Variants in PPP2R5D observed in about 807,000 individuals in gnomAD.
The protein encoded by PPP2R5D is protein phosphatase 2 regulatory subunit B'delta.
A neutral mutation model predicts 79.1 loss-of-function variants in PPP2R5D; 12 were observed. The observed-to-expected ratio is 0.15, with a 90% CI of 0.10 to 0.25. The LOEUF (loss-of-function observed/expected upper bound fraction) is 0.25. Ranked by LOEUF, PPP2R5D falls within the 10% of genes least tolerant of loss-of-function variation. The pLI, the probability that PPP2R5D is intolerant of heterozygous loss-of-function variation, is 1.00. For missense variants in PPP2R5D, 419 were observed against 760.2 expected (o/e 0.55, Z 5.28); for synonymous variants, 277 against 286.6 (o/e 0.97, Z 0.34).
At chr6:42,987,434 C>A (rs1056028704) in intron 1 of PPP2R5D, among the ~76,000 whole-genome samples, 1 of 151,930 alleles carries the variant, frequency 6.6e-6, no homozygotes, top group East Asian at 1.9e-4. Flanking sequence ...ATAGTAATAA[C>A]ATTGACCAGC....
rs755936686 is a variant in PPP2R5D, at chr6:43,008,735, C to T, written c.1069C>T (p.Leu357=). The change falls in exon 10 of 16, where the codon CTG becomes TTG. Residue 357 remains leucine, a synonymous_variant. Coordinates refer to ENST00000485511, the MANE Select transcript of PPP2R5D (RefSeq NM_006245.4). The surrounding 1 kb of genome is among the most constrained non-coding windows in gnomAD (Gnocchi z 4.2). ...ACAATTCCTGGAGAAGGAGAGCAGT[C>T]TGACTGAGCCGGTAATTCCCCTTCC... is the stretch of plus-strand genomic sequence containing the variant. The part of the protein sequence containing the change: ...VVQFLEKESS[L]TEPVIVGLLK... 1 of 1,614,104 alleles carries T rather than the reference C, an allele frequency of 6.2e-7. No individual in the cohort carries two copies. Among genetic ancestry groups the T allele is most frequent in the South Asian group, 1.1e-5 (1 of 91,064 alleles).
chr6:42,987,420 A>G (rs1427863738), intron 1 of PPP2R5D, among the ~76,000 whole-genome samples: 1 of 151,920 alleles, frequency 6.6e-6, no homozygotes. Flanking sequence ...TCTTGTTCAT[A>G]ATAATAGTAA....
chr6:43,000,236 C>CTTTTTTTTTT lies in PPP2R5D; in HGVS notation c.106-6217_106-6208dup, dbSNP rs1204045076. 7.8e-4 allele frequency among the ~76,000 whole-genome samples: 83 copies of CTTTTTTTTTT among 106,008 alleles called. 5 individuals are homozygous for CTTTTTTTTTT. Among genetic ancestry groups the CTTTTTTTTTT allele is most frequent in the African/African-American group, 1.8e-3 (36 of 20,292 alleles). The allele number at this position is 106,008 out of a possible 152,430, so 69.5% of individuals were successfully genotyped here. ...GGCGTGAGCCACCACGTCTGGCCAC[C>CTTTTTTTTTT]TTTTTTTTTTTTTTTTTTTGAGATA... On this transcript the variant is annotated intron_variant, in intron 2 of 15. Coordinates refer to ENST00000485511, the MANE Select transcript of PPP2R5D (RefSeq NM_006245.4).
chr6:43,011,475 T>G lies in PPP2R5D; in HGVS notation c.*189T>G. On this transcript the variant is annotated 3_prime_UTR_variant, in exon 16 of 16. Coordinates refer to ENST00000485511, the MANE Select transcript of PPP2R5D (RefSeq NM_006245.4). ...GGTCCCTCTTCTCCCCAAAAGGTGT[T>G]CATGCCTCCCTGTGGCTAGTACAGG... 1.3e-6 allele frequency: 1 copy of G among 740,960 alleles called. No individual in the cohort carries two copies. The highest frequency in any genetic ancestry group is 2.1e-6 in the Non-Finnish European group (1 of 465,420). 45.9% of individuals were successfully genotyped at this position (740,960 alleles called of 1,614,324 possible).
intron 2 of PPP2R5D, among the ~76,000 whole-genome samples, chr6:42,998,241 A>AT (rs1219331359): frequency 1.3e-5 from 2 of 148,546 alleles, no homozygotes; most frequent in Non-Finnish European, 3.0e-5. Context: ...CGCCCAGCTA[A>AT]TTTTTGTATT....
chr6:43,006,796 G>T lies in PPP2R5D; in HGVS notation c.323-115G>T. On this transcript the variant is annotated intron_variant, in intron 3 of 15. Transcript: ENST00000485511. This position sits in a 1 kb window ranked among gnomAD's most constrained non-coding sequence, Gnocchi z 4.7. ...AGGGAGTTCCAGAGAATGCGGGAAG[G>T]GGGTGCCAGGGAGCAGGATGGTGGC... The T allele has an allele frequency of 6.4e-7, 1 of 1,570,782 alleles. No homozygotes were observed. The highest frequency in any genetic ancestry group is 8.7e-7 in the Non-Finnish European group (1 of 1,151,596).
At chr6:42,997,280 C>A (rs940424060) in intron 2 of PPP2R5D, among the ~76,000 whole-genome samples, 1 of 151,926 alleles carries the variant, frequency 6.6e-6, no homozygotes, top group African/African-American at 2.4e-5. Context: ...GCAACCTCCG[C>A]CTCCCGGACT....
rs544148065 is a variant in PPP2R5D, at chr6:43,011,126, A to G, written c.1672-23A>G. 206 of 1,614,056 alleles carry G rather than the reference A, an allele frequency of 1.3e-4. 2 individuals carry two copies. The South Asian group carries it at 2.0e-3, about 15-fold the overall frequency. ...CACTGGGAATTGGTCACCATTCCTC[A>G]CCTTGTCCCTATTCACACACAGATG... On this transcript the variant is annotated intron_variant, in intron 15 of 15. Coordinates refer to ENST00000485511, the MANE Select transcript of PPP2R5D (RefSeq NM_006245.4).
chr6:42,997,054 T>C (rs1771748924), intron 2 of PPP2R5D, among the ~76,000 whole-genome samples: 1 of 152,156 alleles, frequency 6.6e-6, no homozygotes, highest in African/African-American at 2.4e-5. Context: ...TTGCCCAGGC[T>C]GGAGTGTCTT....
chr6:42,993,690 C>T (rs1771436285), intron 2 of PPP2R5D, among the ~76,000 whole-genome samples: 1 of 152,216 alleles, frequency 6.6e-6, no homozygotes, highest in African/African-American at 2.4e-5. Context: ...CAGCATTCTC[C>T]TCCATGTGTC....
In PPP2R5D at chr6:43,007,858, C is replaced by A; in HGVS notation, c.727-77C>A. 6.3e-7 allele frequency: 1 copy of A among 1,574,918 alleles called. No individual in the cohort carries two copies. Among genetic ancestry groups the A allele is most frequent in the Non-Finnish European group, 8.7e-7 (1 of 1,148,350 alleles). ...CAGGGGACCTCTGCATTTCCCCTGGCGGGACCTATGTCACCCTGGCCACTG... is the reference window on the plus strand; with the variant it reads ...CAGGGGACCTCTGCATTTCCCCTGGAGGGACCTATGTCACCCTGGCCACTG... On this transcript the variant is annotated intron_variant, in intron 6 of 15. Transcript: ENST00000485511. This position sits in a 1 kb window ranked among gnomAD's most constrained non-coding sequence, Gnocchi z 4.5.
intron 1 of PPP2R5D, 127 bp downstream of exon 1, chr6:42,984,831 C>A: frequency 7.1e-7 from 1 of 1,405,716 alleles, no homozygotes; most frequent in Non-Finnish European, 9.5e-7. Context: ...ACTCCTGGGG[C>A]CAGCCCTCCG....
At chr6:43,002,563 C>A (rs1055148021) in intron 2 of PPP2R5D, among the ~76,000 whole-genome samples, 1 of 152,066 alleles carries the variant, frequency 6.6e-6, no homozygotes, top group Non-Finnish European at 1.5e-5. Context: ...ACTACCACTT[C>A]CCCCACCCCA....
rs899469077 is a variant in PPP2R5D, at chr6:43,008,332, C to T, written c.918-35C>T. ...ATTGGTGTACTGAACTTGGATCTGA[C>T]CCTCTGGTCCTAACAAATGTCCCTT... On this transcript the variant is annotated intron_variant, in intron 8 of 15. Transcript: ENST00000485511. The surrounding 1 kb of genome is among the most constrained non-coding windows in gnomAD (Gnocchi z 4.2). 6.2e-7 allele frequency: 1 copy of T among 1,612,916 alleles called. No individual in the cohort carries two copies. The highest frequency in any genetic ancestry group is 1.3e-5 in the African/African-American group (1 of 74,868).
intron 1 of PPP2R5D, among the ~76,000 whole-genome samples, chr6:42,986,011 A>T (rs1005864619): frequency 2.0e-5 from 3 of 152,104 alleles, no homozygotes; most frequent in Admixed American, 6.5e-5. Flanking sequence ...TCCTGACCTC[A>T]GGTGATCTGA....
At chr6:43,002,235 C>T (rs1448528013) in intron 2 of PPP2R5D, among the ~76,000 whole-genome samples, 1 of 151,604 alleles carries the variant, frequency 6.6e-6, no homozygotes, top group Non-Finnish European at 1.5e-5. Flanking sequence ...ATGATCTCAG[C>T]TCACTGCAAC....
chr6:42,996,262 A>G (rs1031894533), intron 2 of PPP2R5D, among the ~76,000 whole-genome samples: 1 of 150,068 alleles, frequency 6.7e-6, no homozygotes, highest in African/African-American at 2.4e-5. Context: ...CAGGAGATTG[A>G]GACCATCCTG....
At chr6:42,984,820 G>T (rs1156259033) in intron 1 of PPP2R5D, 116 bp downstream of exon 1, 3 of 1,471,446 alleles carry the variant, frequency 2.0e-6, no homozygotes, top group African/African-American at 2.9e-5. Context: ...GCCCCCGCAG[G>T]ACTCCTGGGG....
In PPP2R5D at chr6:42,995,126, C is replaced by CTTTTTTTTTTTTTT. The variant is rs889250251; in HGVS notation, c.105+5446_105+5459dup. Among the ~76,000 whole-genome samples, 623 of 106,288 alleles carry CTTTTTTTTTTTTTT rather than the reference C, an allele frequency of 5.9e-3. 26 individuals are homozygous for CTTTTTTTTTTTTTT. The highest frequency in any genetic ancestry group is 0.021 in the East Asian group (73 of 3,458). 69.7% of individuals were successfully genotyped at this position (106,288 alleles called of 152,430 possible). A position where few individuals can be genotyped will look rare whatever the true frequency, so the allele number is the denominator to read the frequency against. On this transcript the variant is annotated intron_variant, in intron 2 of 15. Coordinates refer to ENST00000485511, the MANE Select transcript of PPP2R5D (RefSeq NM_006245.4). ...TTGTGTCCCACCGAACTTTTTCTTT[C>CTTTTTTTTTTTTTT]TTTTTTTTTTTTTTTTTTTTTGGAG... is the stretch of plus-strand genomic sequence containing the variant.
Sources: allele counts gnomAD v4.1 joint callset (sites outside exome capture counted in the v4.1 genomes callset), GRCh38; gene constraint gnomAD v4.1.1; non-coding constraint Gnocchi (gnomAD v3.1); transcripts MANE v1.5; gene names NCBI Gene and HGNC (gene_info 2026-07-23, HGNC 2026-07-21).